Variants in MMP28 observed in about 807,000 individuals in gnomAD.
MMP28 encodes the protein matrix metallopeptidase 28.
A neutral mutation model predicts 60.5 loss-of-function variants in MMP28; 55 were observed. That is an observed-to-expected ratio of 0.91 (90% confidence interval 0.73 to 1.14). The LOEUF (loss-of-function observed/expected upper bound fraction) is 1.14, where lower values mean the gene tolerates loss of function less well. Ranked by LOEUF, MMP28 falls within the 50% of genes most tolerant of loss-of-function variation. MMP28 has a pLI of 0.00. For missense variants in MMP28, 686 were observed against 738.3 expected (o/e 0.93, Z 0.82); for synonymous variants, 318 against 312.5 (o/e 1.02, Z -0.18).
chr17:35,775,550 G>C (rs1036377474), intron 3 of MMP28, among the ~76,000 whole-genome samples: 3 of 152,242 alleles, frequency 2.0e-5, no homozygotes, highest in African/African-American at 7.2e-5. Context: ...AACTGACACT[G>C]TGGAAAGAAC....
At chr17:35,767,219 C>T (rs1207185717) in intron 7 of MMP28, among the ~76,000 whole-genome samples, 1 of 152,176 alleles carries the variant, frequency 6.6e-6, no homozygotes, top group East Asian at 1.9e-4. Flanking sequence ...TGCTGTATCC[C>T]TAACATATCC....
chr17:35,767,842 G>A lies in MMP28; in HGVS notation c.1078C>T (p.Arg360Cys), dbSNP rs371440451. The A allele has an allele frequency of 6.8e-6, 11 of 1,612,110 alleles. No homozygotes were observed. Among genetic ancestry groups the A allele is most frequent in the Middle Eastern group, 1.6e-4 (1 of 6,070 alleles). The change falls in exon 7 of 8, where the codon CGT becomes TGT. Residue 360 changes from arginine (R) to cysteine (C), a missense_variant. By Grantham distance (180) the Arg-to-Cys change is radical. Transcript: ENST00000605424. ...VAADGNVSEP[R>C]PLQERWVGLP... ...CCGACCCATCTTTCCTGCAGTGGAC[G>A]GGGCTCTGAGACGTTGCCATCAGCT...
rs200165337 is a variant in MMP28 at position 35,786,699 on chromosome 17, C to CAAAAAAAAAAA, written c.112-7387_112-7377dup. Among the ~76,000 whole-genome samples, 136 of 71,008 alleles carry CAAAAAAAAAAA rather than the reference C, an allele frequency of 1.9e-3. 17 individuals carry two copies. The highest frequency in any genetic ancestry group is 5.2e-3 in the African/African-American group (82 of 15,738). 46.6% of individuals were successfully genotyped at this position (71,008 alleles called of 152,430 possible). On this transcript the variant is annotated intron_variant, in intron 1 of 7. Transcript: ENST00000605424. ...GCCTCATAGTGAGATCCTGTCTCTA[C>CAAAAAAAAAAA]AAAAAAAAAAAAAAAAGATGAATGA... is the stretch of plus-strand genomic sequence containing the variant.
rs531086648 is a variant in MMP28 at position 35,793,375 on chromosome 17, TAAC to T, written c.111+1889_111+1891del. ...TTGCAGGGAGGTGGGGTGGGACTCTTAACAAGACTTGGCTTGGCAGACAGAAGC... is the reference window on the plus strand; with the variant it reads ...TTGCAGGGAGGTGGGGTGGGACTCTTAAGACTTGGCTTGGCAGACAGAAGC... On this transcript the variant is annotated intron_variant, in intron 1 of 7. Transcript: ENST00000605424. 1.1e-3 allele frequency among the ~76,000 whole-genome samples: 162 copies of T among 152,248 alleles called. 1 individual carries two copies. The highest frequency in any genetic ancestry group is 3.8e-3 in the African/African-American group (159 of 41,548).
intron 2 of MMP28, among the ~76,000 whole-genome samples, chr17:35,759,701 A>ACCCCCCCCCCCCC (rs1555601156): frequency 7.0e-6 from 1 of 142,594 alleles, no homozygotes; most frequent in Admixed American, 7.3e-5. Context: ...TCTGTCCGCT[A>ACCCCCCCCCCCCC]CCCCCCACCG....
At chr17:35,768,199 A>G (rs1391361830) in intron 6 of MMP28, 31 bp downstream of exon 6, 6 of 1,570,110 alleles carry the variant, frequency 3.8e-6, no homozygotes, top group African/African-American at 1.4e-5. Flanking sequence ...GAAGGAGAGA[A>G]AGAAGCAAAG....
At chr17:35,788,901 AG>A (rs770359504) in intron 1 of MMP28, among the ~76,000 whole-genome samples, 16 of 152,206 alleles carry the variant, frequency 1.1e-4, no homozygotes, top group Admixed American at 3.3e-4. Context: ...AGTGGGGGAC[AG>A]GGTGATGATG....
At chr17:35,782,352 G>C (rs2086531865) in intron 1 of MMP28, among the ~76,000 whole-genome samples, 1 of 152,168 alleles carries the variant, frequency 6.6e-6, no homozygotes, top group African/African-American at 2.4e-5. Flanking sequence ...ACCGCGCCCA[G>C]CCACCATGCT....
At chr17:35,791,394 T>G (rs1172997618) in intron 1 of MMP28, among the ~76,000 whole-genome samples, 1 of 151,878 alleles carries the variant, frequency 6.6e-6, no homozygotes, top group East Asian at 2.0e-4. Context: ...TAGAATTAGT[T>G]GGGCATGGTG....
intron 3 of MMP28, among the ~76,000 whole-genome samples, chr17:35,777,184 A>C (rs2086357438): frequency 6.6e-6 from 1 of 152,238 alleles, no homozygotes; most frequent in South Asian, 2.1e-4. Context: ...GACCTGGCCC[A>C]GGCCACACAG....
intron 3 of MMP28, among the ~76,000 whole-genome samples, chr17:35,775,248 C>T (rs1218762367): frequency 6.6e-6 from 1 of 152,126 alleles, no homozygotes; most frequent in Non-Finnish European, 1.5e-5. Flanking sequence ...GGTGTGCCTG[C>T]CAGGAAGAAA....
intron 7 of MMP28, 143 bp downstream of exon 7, chr17:35,767,609 C>A: frequency 1.0e-6 from 1 of 995,582 alleles, no homozygotes; most frequent in South Asian, 1.7e-5. Flanking sequence ...AGAGTCTTCC[C>A]TGGGGTCACA....
At chr17:35,760,910 A>T (rs1555601370), downstream of MMP28, 1 of 1,613,262 alleles carries the variant, frequency 6.2e-7, no homozygotes. Flanking sequence ...CCAGTCTCTG[A>T]TCAGGGAAAG....
At chr17:35,771,741 ATATATATATATAT>A (rs2086159202) in intron 4 of MMP28, among the ~76,000 whole-genome samples, 7 of 75,770 alleles carry the variant, frequency 9.2e-5, no homozygotes, top group African/African-American at 3.4e-4. Context: ...ATATATATAT[ATATATATATATAT>A]AAAATTGTGT....
At position 35,766,453 on chromosome 17, in the gene MMP28, G is replaced by C; in HGVS notation, c.*47C>G. 6.6e-7 allele frequency: 1 copy of C among 1,512,474 alleles called. No individual in the cohort carries two copies. Among genetic ancestry groups the C allele is most frequent in the African/African-American group, 1.4e-5 (1 of 72,958 alleles). The allele number at this position is 1,512,474 out of a possible 1,614,324, so 93.7% of individuals were successfully genotyped here. A position where few individuals can be genotyped will look rare whatever the true frequency, so the allele number is the denominator to read the frequency against. On this transcript the variant is annotated 3_prime_UTR_variant, in exon 8 of 8. Transcript: ENST00000605424. This position sits in a 1 kb window ranked among gnomAD's most constrained non-coding sequence, Gnocchi z 4.3. ...GTTCTGCCCCGGGGGTGGGGAACAT[G>C]ATTTTGCCCTGAGAGCACCACCAGT...
chr17:35,795,308 G>T lies in MMP28; in HGVS notation c.70C>A (p.Pro24Thr). Residue 24 changes from proline to threonine, a missense_variant, in exon 1 of 8, where the codon CCC becomes ACC. By Grantham distance (38) the Pro-to-Thr change is conservative. Coordinates refer to ENST00000605424, the MANE Select transcript of MMP28 (RefSeq NM_024302.5). ...LLLWGHLDAQ[P>T]AERGGQELRK... ...AGCTCCTGGCCTCCGCGCTCCGCGG[G>T]CTGGGCGTCCAGGTGGCCCCACAGT... 6.8e-7 allele frequency: 1 copy of T among 1,465,550 alleles called. No individual in the cohort carries two copies. Among genetic ancestry groups the T allele is most frequent in the Non-Finnish European group, 9.0e-7 (1 of 1,109,180 alleles). 90.8% of individuals were successfully genotyped at this position (1,465,550 alleles called of 1,614,324 possible).
chr17:35,792,772 G>A (rs1223138686), intron 1 of MMP28, among the ~76,000 whole-genome samples: 1 of 152,120 alleles, frequency 6.6e-6, no homozygotes, highest in Non-Finnish European at 1.5e-5. Context: ...AATGATAAAG[G>A]TAATAACAAC....
rs987667402 is a variant in MMP28 at position 35,795,368 on chromosome 17, G to A, written c.10C>T (p.Arg4Cys). The change falls in exon 1 of 8, where the codon CGC becomes TGC. Residue 4 changes from arginine (R) to cysteine (C), a missense_variant. Physicochemically the swap from Arg to Cys is radical, Grantham distance 180 (BLOSUM62 -3). Coordinates refer to ENST00000605424, the MANE Select transcript of MMP28 (RefSeq NM_024302.5). MVA[R>C]VGLLLRALQL... ...AGGGCGCGCAGCAGGAGGCCGACGC[G>A]CGCGACCATCTCGCCGCCTCCGGTG... The A allele has an allele frequency of 4.9e-6, 7 of 1,442,336 alleles. No individual in the cohort carries two copies. In the African/African-American group the frequency reaches 5.9e-5, roughly 12 times the overall value. 89.3% of individuals were successfully genotyped at this position (1,442,336 alleles called of 1,614,324 possible).
chr17:35,777,280 TCTA>T (rs1411930576), intron 3 of MMP28, among the ~76,000 whole-genome samples: 5 of 152,208 alleles, frequency 3.3e-5, no homozygotes, highest in African/African-American at 1.2e-4. Context: ...TCTCTGCTCT[TCTA>T]CTTCACTCTT....
Sources: allele counts gnomAD v4.1 joint callset (sites outside exome capture counted in the v4.1 genomes callset), GRCh38; gene constraint gnomAD v4.1.1; non-coding constraint Gnocchi (gnomAD v3.1); transcripts MANE v1.5; gene names NCBI Gene and HGNC (gene_info 2026-07-23, HGNC 2026-07-21).